The following IFNGR1 variants were observed in gnomAD, a reference collection of about 807,000 sequenced individuals.
IFNGR1 encodes the protein AVP, type 2.
A neutral mutation model predicts 35.4 loss-of-function variants in IFNGR1; 23 were observed. The ratio of observed to expected loss-of-function variants is 0.65; its 90% CI spans 0.47 to 0.92. The LOEUF is 0.92. Ranked by LOEUF, IFNGR1 falls within the 40% of genes least tolerant of loss-of-function variation. The pLI is 0.00. For synonymous variants in IFNGR1, 199 were observed against 209.5 expected (o/e 0.95, Z 0.43); for missense variants, 533 against 583.4 (o/e 0.91, Z 0.89).
Position 137,202,915 on chromosome 6 carries a change from A to C in IFNGR1, c.733+584T>G, listed in dbSNP as rs564364046. Among the ~76,000 whole-genome samples, 4 of 152,296 alleles carry C rather than the reference A, an allele frequency of 2.6e-5. No individual in the cohort carries two copies. The South Asian group carries it at 6.2e-4, about 24-fold the overall frequency. On this transcript the variant is annotated intron_variant, in intron 5 of 6. Transcript: ENST00000367739. Reference sequence around the variant, plus strand: ...AAGGTTCCTGACACCTGAGAGTAACAGTTCTAAAGTTCAAGTTCTAGCATA... The same window carrying C: ...AAGGTTCCTGACACCTGAGAGTAACCGTTCTAAAGTTCAAGTTCTAGCATA...
In IFNGR1 at chr6:137,219,170, C is replaced by T. The variant is rs1779784789; in HGVS notation, c.85+73G>A. ...GCGACCTCGGAGAAGCGGGGCGGGG[C>T]TTCCCGGCTGGGGCGGATCCCTCCC... On this transcript the variant is annotated intron_variant, in intron 1 of 6. Coordinates refer to ENST00000367739, the MANE Select transcript of IFNGR1 (RefSeq NM_000416.3). 8.5e-6 allele frequency: 13 copies of T among 1,536,752 alleles called. No homozygotes were observed. In the South Asian group the frequency reaches 1.6e-4, roughly 18 times the overall value.
intron 6 of IFNGR1, among the ~76,000 whole-genome samples, chr6:137,199,055 ATG>A (rs1756489485): frequency 6.6e-6 from 1 of 151,876 alleles, no homozygotes; most frequent in African/African-American, 2.4e-5. Context: ...CATGGCTAGA[ATG>A]TAAGCAGGCA....
chr6:137,219,197 C>T (rs1241368787), intron 1 of IFNGR1, 46 bp downstream of exon 1: 6 of 1,567,734 alleles, frequency 3.8e-6, no homozygotes, highest in Non-Finnish European at 5.2e-6. Flanking sequence ...ATCCCTCCCT[C>T]CCTCTCGTCC....
intron 1 of IFNGR1, among the ~76,000 whole-genome samples, chr6:137,214,726 T>C (rs921922009): frequency 1.3e-5 from 2 of 152,232 alleles, no homozygotes; most frequent in Non-Finnish European, 2.9e-5. Context: ...ATCTAGTCCC[T>C]GAGAGAAGTC....
At chr6:137,219,161 G>C in intron 1 of IFNGR1, 82 bp downstream of exon 1, 14 of 1,523,292 alleles carry the variant, frequency 9.2e-6, no homozygotes, top group Non-Finnish European at 1.2e-5. Flanking sequence ...TCGGAGAAGC[G>C]GGGCGGGGCT....
At chr6:137,213,078 A>G (rs1009543315) in intron 1 of IFNGR1, among the ~76,000 whole-genome samples, 8 of 152,318 alleles carry the variant, frequency 5.3e-5, no homozygotes, top group Non-Finnish European at 1.2e-4. Context: ...AGACATAAGC[A>G]GTTTTCTTAA....
chr6:137,202,924 G>C (rs1191464505), intron 5 of IFNGR1, among the ~76,000 whole-genome samples: 1 of 151,988 alleles, frequency 6.6e-6, no homozygotes, highest in Non-Finnish European at 1.5e-5. Context: ...CAGTTCTAAA[G>C]TTCAAGTTCT....
At chr6:137,202,644 CAA>C (rs1491524408) in intron 5 of IFNGR1, among the ~76,000 whole-genome samples, 1 of 141,716 alleles carries the variant, frequency 7.1e-6, no homozygotes, top group Admixed American at 7.0e-5. Flanking sequence ...CACACACACA[CAA>C]AGATAATCAT....
At chr6:137,215,152 AC>A (rs575582542) in intron 1 of IFNGR1, 1 of 1,315,838 alleles carries the variant, frequency 7.6e-7, no homozygotes, top group Non-Finnish European at 1.0e-6. Flanking sequence ...CAATGAGAAA[AC>A]AAAGGCTTAG....
At chr6:137,206,861 G>T in intron 2 of IFNGR1, 102 bp downstream of exon 2, 1 of 886,342 alleles carries the variant, frequency 1.1e-6, no homozygotes, top group Non-Finnish European at 1.8e-6. Context: ...AGTTTAGAAT[G>T]TTTTGCCACG....
intron 1 of IFNGR1, chr6:137,215,203 T>C: frequency 2.0e-6 from 3 of 1,525,974 alleles, no homozygotes; most frequent in Non-Finnish European, 2.6e-6. Context: ...GTTTTGTTGG[T>C]TTTCATTAAG....
At chr6:137,215,255 G>C (rs887732862) in intron 1 of IFNGR1, 1 of 1,544,798 alleles carries the variant, frequency 6.5e-7, no homozygotes, top group Non-Finnish European at 8.7e-7. Context: ...AATAAAATAA[G>C]GGGTAAATTA....
chr6:137,208,964 G>A (rs1163842353), intron 1 of IFNGR1, among the ~76,000 whole-genome samples: 1 of 152,234 alleles, frequency 6.6e-6, no homozygotes, highest in Non-Finnish European at 1.5e-5. Context: ...AGCCACAGGG[G>A]CAGAGCTGCT....
intron 1 of IFNGR1, chr6:137,215,406 GAAT>G: frequency 5.8e-6 from 8 of 1,388,766 alleles, no homozygotes; most frequent in Non-Finnish European, 7.8e-6. Context: ...GCATTAAAAT[GAAT>G]AATTTCTTAA....
intron 1 of IFNGR1, among the ~76,000 whole-genome samples, chr6:137,213,065 G>C (rs1157500131): frequency 1.8e-4 from 27 of 152,154 alleles, no homozygotes; most frequent in Admixed American, 1.6e-3. Context: ...AAAATAATAT[G>C]ACAGACATAA....
Position 137,203,666 on chromosome 6 carries a change from G to C in IFNGR1, c.566C>G (p.Thr189Arg). ...NGSEIQYKIL[T>R]QKEDDCDEIQ... ...CTCGTCACAATCATCTTCCTTCTGCGTGAGTATTTTATACTGGATCTAGAT... is the reference window on the plus strand; with the variant it reads ...CTCGTCACAATCATCTTCCTTCTGCCTGAGTATTTTATACTGGATCTAGAT... The change falls in exon 5 of 7, where the codon ACG becomes AGG. Residue 189 changes from threonine to arginine, a missense_variant. Physicochemically the swap from Thr to Arg is moderately conservative, Grantham distance 71. Coordinates refer to ENST00000367739, the MANE Select transcript of IFNGR1 (RefSeq NM_000416.3). 6.2e-7 allele frequency: 1 copy of C among 1,612,276 alleles called. No individual in the cohort carries two copies. The highest frequency in any genetic ancestry group is 2.2e-5 in the East Asian group (1 of 44,800).
At chr6:137,214,489 T>C (rs1035080787) in intron 1 of IFNGR1, among the ~76,000 whole-genome samples, 10 of 152,220 alleles carry the variant, frequency 6.6e-5, no homozygotes, top group African/African-American at 2.2e-4. Flanking sequence ...ATTGAAATTT[T>C]TCTTTTTAAA....
rs1779128046 is a variant in IFNGR1 at position 137,197,953 on chromosome 6, T to A, written c.*78A>T. 1 of 1,590,750 alleles carries A rather than the reference T, an allele frequency of 6.3e-7. No homozygotes were observed. The highest frequency in any genetic ancestry group is 8.6e-7 in the Non-Finnish European group (1 of 1,161,030). ...ACCAACTAAGATACAATTTCTGAGA[T>A]CATAATCTTTTCATGAAATTAAAGC... On this transcript the variant is annotated 3_prime_UTR_variant, in exon 7 of 7. Transcript: ENST00000367739.
In IFNGR1 at chr6:137,197,872, A is replaced by G; in HGVS notation, c.*159T>C. On this transcript the variant is annotated 3_prime_UTR_variant, in exon 7 of 7. Transcript: ENST00000367739. ...TGTACTTTACAAGCCAAAAGTGAAA[A>G]TGCCACACATCCTCTTTACGCTTTC... is the stretch of plus-strand genomic sequence containing the variant. The G allele has an allele frequency of 1.1e-6, 1 of 911,462 alleles. No individual in the cohort carries two copies. Among genetic ancestry groups the G allele is most frequent in the East Asian group, 2.7e-5 (1 of 37,646 alleles). 56.5% of individuals were successfully genotyped at this position (911,462 alleles called of 1,614,324 possible).
Sources: gnomAD v4.1 joint callset for allele counts (sites outside exome capture counted in the v4.1 genomes callset) on GRCh38, gnomAD v4.1.1 for gene constraint, MANE v1.5 for transcripts, NCBI Gene and HGNC (gene_info 2026-07-23, HGNC 2026-07-21) for gene names.